Variants in TMTC2 observed in about 807,000 individuals in gnomAD.
The protein encoded by TMTC2 is protein O-mannosyl-transferase TMTC2.
A neutral mutation model predicts 82.4 loss-of-function variants in TMTC2; 43 were observed. The ratio of observed to expected loss-of-function variants is 0.52; its 90% CI spans 0.41 to 0.67. The LOEUF (loss-of-function observed/expected upper bound fraction) is 0.67. TMTC2 is among the 30% of genes least tolerant of loss of function. The pLI is 0.00. For synonymous variants in TMTC2, 408 were observed against 381.9 expected, an observed-to-expected ratio of 1.07 and a Z score of -0.80; for missense variants, 919 against 1,012.4, an observed-to-expected ratio of 0.91 and a Z score of 1.25.
intron 1 of TMTC2, among the ~76,000 whole-genome samples, chr12:82,831,475 C>T (rs931239152): frequency 5.9e-5 from 9 of 152,274 alleles, no homozygotes; most frequent in Middle Eastern, 3.4e-3. Flanking sequence ...TTATAACATA[C>T]GGCCTGGCAG....
chr12:82,977,112 G>A (rs1158041097), intron 7 of TMTC2, among the ~76,000 whole-genome samples: 1 of 151,992 alleles, frequency 6.6e-6, no homozygotes, highest in Admixed American at 6.6e-5. Flanking sequence ...TAAAAAGTGG[G>A]AGAGGGAGTT....
intron 1 of TMTC2, among the ~76,000 whole-genome samples, chr12:82,728,447 G>A (rs369883288): frequency 1.8e-4 from 28 of 152,074 alleles, no homozygotes; most frequent in South Asian, 1.2e-3. Flanking sequence ...CAGGCTGGGC[G>A]CGGTGGCTCA....
chr12:82,776,563 G>T (rs959236400), intron 1 of TMTC2, among the ~76,000 whole-genome samples: 3 of 149,644 alleles, frequency 2.0e-5, no homozygotes, highest in Non-Finnish European at 4.4e-5. Flanking sequence ...TTTAACCCAG[G>T]TGTCCAGGTG....
chr12:82,730,489 C>T lies in TMTC2; in HGVS notation c.83+42820C>T, dbSNP rs558226282. Among the ~76,000 whole-genome samples, 6 of 152,206 alleles carry T rather than the reference C, an allele frequency of 3.9e-5. 1 individual carries two copies. In the Middle Eastern group the frequency reaches 0.014, roughly 345 times the overall value. ...TGCCCTCCAAAAAGAAGTGGAGGTG[C>T]ACATGCTTCTATGTCCACTTTAAAC... On this transcript the variant is annotated intron_variant, in intron 1 of 11. Transcript: ENST00000321196.
intron 1 of TMTC2, among the ~76,000 whole-genome samples, chr12:82,799,876 C>G (rs1343263985): frequency 6.6e-6 from 1 of 152,036 alleles, no homozygotes; most frequent in Admixed American, 6.5e-5. Context: ...AGTTTCATGG[C>G]AAAGCTTTCA....
chr12:83,092,617 A>G (rs1259494562), intron 11 of TMTC2, among the ~76,000 whole-genome samples: 1 of 152,116 alleles, frequency 6.6e-6, no homozygotes, highest in Non-Finnish European at 1.5e-5. Context: ...TATTCTCATT[A>G]TTTACTCTTA....
At chr12:82,784,932 T>C (rs911301334) in intron 1 of TMTC2, among the ~76,000 whole-genome samples, 1 of 152,108 alleles carries the variant, frequency 6.6e-6, no homozygotes, top group Non-Finnish European at 1.5e-5. Flanking sequence ...CCAAAGGCTT[T>C]AGAATTTTCA....
rs564422492 is a variant in TMTC2 at position 82,865,790 on chromosome 12, A to G, written c.654+8210A>G. On this transcript the variant is annotated intron_variant, in intron 2 of 11. Coordinates refer to ENST00000321196, the MANE Select transcript of TMTC2 (RefSeq NM_152588.3). ...AGCACTCCTCAGCAAATGTAAAAGAACAGAAATTATAACAAACTGTCTCTC... is the reference window on the plus strand; with the variant it reads ...AGCACTCCTCAGCAAATGTAAAAGAGCAGAAATTATAACAAACTGTCTCTC... Among the ~76,000 whole-genome samples, 5 of 152,346 alleles carry G rather than the reference A, an allele frequency of 3.3e-5. No homozygotes were observed. In the East Asian group the frequency reaches 7.7e-4, roughly 24 times the overall value.
intron 8 of TMTC2, among the ~76,000 whole-genome samples, chr12:83,003,099 T>G (rs73148433): frequency 0.034 from 5,209 of 152,312 alleles, 122 homozygotes; most frequent in Non-Finnish European, 0.053. Context: ...CTGTGTGCTC[T>G]AATATTTGCT....
At chr12:82,986,106 A>G (rs765616542) in intron 8 of TMTC2, 60 bp downstream of exon 8, 2 of 1,611,390 alleles carry the variant, frequency 1.2e-6, no homozygotes, top group Admixed American at 1.7e-5. Context: ...ACCGGGATAG[A>G]TGGGTTTGAG....
intron 3 of TMTC2, among the ~76,000 whole-genome samples, chr12:82,914,817 A>ATTTTTTTTTTTTTT (rs71068958): frequency 1.2e-5 from 1 of 86,406 alleles, no homozygotes; most frequent in Non-Finnish European, 2.2e-5. Flanking sequence ...CAACTCACTT[A>ATTTTTTTTTTTTTT]TTTTTTTTTT....
intron 10 of TMTC2, among the ~76,000 whole-genome samples, chr12:83,054,732 T>C (rs1882474307): frequency 6.6e-6 from 1 of 151,704 alleles, no homozygotes; most frequent in African/African-American, 2.4e-5. Flanking sequence ...TTTGTGTATA[T>C]GTAAATGTTA....
At chr12:82,966,837 G>C in intron 6 of TMTC2, 82 bp from the exon 7 acceptor site, 1 of 1,031,988 alleles carries the variant, frequency 9.7e-7, no homozygotes, top group Non-Finnish European at 1.4e-6. Context: ...TTTAACTTTG[G>C]AAGAAAGTTA....
At chr12:82,728,734 C>T (rs1009942992) in intron 1 of TMTC2, among the ~76,000 whole-genome samples, 2 of 152,234 alleles carry the variant, frequency 1.3e-5, no homozygotes, top group African/African-American at 2.4e-5. Flanking sequence ...TGGCCAAGGC[C>T]GGAGCCAGCT....
intron 1 of TMTC2, among the ~76,000 whole-genome samples, chr12:82,787,806 G>A (rs571958370): frequency 6.6e-6 from 1 of 152,178 alleles, no homozygotes; most frequent in African/African-American, 2.4e-5. Flanking sequence ...AGCTACTTGG[G>A]AGGCTGAGGC....
intron 11 of TMTC2, among the ~76,000 whole-genome samples, chr12:83,116,567 G>A (rs1307484994): frequency 6.6e-6 from 1 of 152,162 alleles, no homozygotes; most frequent in African/African-American, 2.4e-5. Flanking sequence ...GTGTAGAAGT[G>A]TTCCCCATTC....
At chr12:83,028,427 A>C (rs146406252) in intron 8 of TMTC2, among the ~76,000 whole-genome samples, 1 of 152,158 alleles carries the variant, frequency 6.6e-6, no homozygotes, top group Non-Finnish European at 1.5e-5. Flanking sequence ...CCCCAGATAC[A>C]CAGTTTCCCC....
At chr12:82,698,794 C>T (rs1313256025) in intron 1 of TMTC2, among the ~76,000 whole-genome samples, 1 of 152,066 alleles carries the variant, frequency 6.6e-6, no homozygotes, top group Non-Finnish European at 1.5e-5. Flanking sequence ...ATAAAAGTCA[C>T]TTGAACACAA....
At chr12:83,005,291 C>G in intron 8 of TMTC2, among the ~76,000 whole-genome samples, 1 of 145,924 alleles carries the variant, frequency 6.9e-6, no homozygotes. Context: ...ACTGCGCCAC[C>G]GCACTCCAGC....
Sources: allele counts gnomAD v4.1 joint callset (sites outside exome capture counted in the v4.1 genomes callset), GRCh38; gene constraint gnomAD v4.1.1; transcripts MANE v1.5; gene names NCBI Gene and HGNC (gene_info 2026-07-23, HGNC 2026-07-21).